Variants in FERMT1 observed in about 807,000 individuals in gnomAD.
FERMT1 encodes fermitin family homolog 1.
FERMT1 carries 60 observed loss-of-function variants against 85.3 expected under a neutral mutation model. The ratio of observed to expected loss-of-function variants is 0.70; its 90% CI spans 0.57 to 0.87. FERMT1 has a LOEUF of 0.87. Ranked by LOEUF, FERMT1 falls within the 40% of genes least tolerant of loss-of-function variation. FERMT1 has a pLI of 0.00. For missense variants in FERMT1, 701 were observed against 818.9 expected (o/e 0.86, Z 1.76); for synonymous variants, 275 against 301.1 (o/e 0.91, Z 0.90).
chr20:6,110,458 C>A lies in FERMT1; in HGVS notation c.586G>T (p.Gly196Ter), dbSNP rs1300608158. 1 of 1,613,944 alleles carries A rather than the reference C, an allele frequency of 6.2e-7. No homozygotes were observed. The highest frequency in any genetic ancestry group is 1.3e-5 in the African/African-American group (1 of 74,882). ...GTCATGGTGGATGATGCTGGTGTTCCATTGATGGGGTCATATATAGGGGTC... is the reference window on the plus strand; with the variant it reads ...GTCATGGTGGATGATGCTGGTGTTCAATTGATGGGGTCATATATAGGGGTC... Reference protein sequence around the residue: ...TMTPIYDPINGTPASSTMTWF... With the variant: ...TMTPIYDPIN The change falls in exon 5 of 15, where the codon GGA becomes TGA. Residue 196 changes from glycine (G) to a stop codon, truncating the protein, a stop_gained. Transcript: ENST00000217289. LOFTEE classifies it high-confidence loss of function.
At chr20:6,105,780 A>T (rs1982779781) in intron 6 of FERMT1, among the ~76,000 whole-genome samples, 1 of 152,210 alleles carries the variant, frequency 6.6e-6, no homozygotes, top group African/African-American at 2.4e-5. Flanking sequence ...CTCAATAAAT[A>T]AACACACAAA....
At chr20:6,099,914 G>T (rs1028519429) in intron 6 of FERMT1, among the ~76,000 whole-genome samples, 2 of 151,252 alleles carry the variant, frequency 1.3e-5, no homozygotes, top group African/African-American at 4.9e-5. Flanking sequence ...TGGGAGGATT[G>T]CTTGAGCCCA....
chr20:6,075,395 T>TA lies in FERMT1; in HGVS notation c.*1777dup, dbSNP rs397756084. The TA allele has an allele frequency of 1, 152,480 of 152,480 alleles. 76,240 individuals carry two copies. Among genetic ancestry groups the TA allele is most frequent in the Non-Finnish European group, 1 (68,044 of 68,044 alleles). 9.4% of individuals were successfully genotyped at this position (152,480 alleles called of 1,614,324 possible). A position where few individuals can be genotyped will look rare whatever the true frequency, so the allele number is the denominator to read the frequency against. On this transcript the variant is annotated 3_prime_UTR_variant, in exon 15 of 15. Transcript: ENST00000217289. ...ACTGAGAAATGACCAACATCAAGTA[T>TA]ATACGGTACACTTAGCACTTGTTTC...
chr20:6,109,310 C>A (rs1982880895), intron 5 of FERMT1, among the ~76,000 whole-genome samples: 2 of 152,040 alleles, frequency 1.3e-5, no homozygotes, highest in South Asian at 4.1e-4. Flanking sequence ...TGTGGTTGGG[C>A]CTTAAATGAC....
chr20:6,114,617 C>G (rs1383591709), intron 3 of FERMT1, among the ~76,000 whole-genome samples: 1 of 152,118 alleles, frequency 6.6e-6, no homozygotes, highest in African/African-American at 2.4e-5. Flanking sequence ...ATTTGCACAC[C>G]AGGGACAAGA....
chr20:6,093,731 C>T (rs943185900), intron 9 of FERMT1, among the ~76,000 whole-genome samples: 10 of 152,220 alleles, frequency 6.6e-5, no homozygotes, highest in Middle Eastern at 3.4e-3. Flanking sequence ...CCAAGGCAGG[C>T]GGATCACCTG....
rs1406105172 is a variant in FERMT1 at position 6,077,528 on chromosome 20, T to G, written c.1861-182A>C. Among the ~76,000 whole-genome samples, 9 of 152,104 alleles carry G rather than the reference T, an allele frequency of 5.9e-5. 1 individual carries two copies. The highest frequency in any genetic ancestry group is 1.3e-4 in the Non-Finnish European group (9 of 68,030). ...GCTTCCAGAAAACATCTTTGCTCTC[T>G]TTGCGCCCTCTGGTGGTGTCGACTT... is the stretch of plus-strand genomic sequence containing the variant. On this transcript the variant is annotated intron_variant, in intron 14 of 14. Transcript: ENST00000217289.
rs1466712153 is a variant in FERMT1, at chr20:6,088,954, G to T, written c.1264+11C>A. On this transcript the variant is annotated intron_variant, in intron 10 of 14. Transcript: ENST00000217289. ...TACGATGAGCCACAGCAAGATATAG[G>T]GTACTCTTACCTCTAAGATTTAGTT... is the stretch of plus-strand genomic sequence containing the variant. 3 of 1,608,568 alleles carry T rather than the reference G, an allele frequency of 1.9e-6. No individual in the cohort carries two copies. Among genetic ancestry groups the T allele is most frequent in the South Asian group, 1.1e-5 (1 of 90,888 alleles).
At chr20:6,102,895 G>A (rs1476162417) in intron 6 of FERMT1, among the ~76,000 whole-genome samples, 1 of 152,046 alleles carries the variant, frequency 6.6e-6, no homozygotes, top group African/African-American at 2.4e-5. Context: ...TCTTTCTTAA[G>A]AAGGGGTTAC....
At chr20:6,112,309 C>T (rs1356706445) in intron 4 of FERMT1, among the ~76,000 whole-genome samples, 168 bp downstream of exon 4, 1 of 152,022 alleles carries the variant, frequency 6.6e-6, no homozygotes, top group African/African-American at 2.4e-5. Context: ...GAAAAAAAGT[C>T]TGAAACACAT....
chr20:6,121,283 G>A (rs772328094), intron 1 of FERMT1, among the ~76,000 whole-genome samples: 5 of 151,902 alleles, frequency 3.3e-5, no homozygotes, highest in Admixed American at 6.6e-5. Context: ...CACCACGCCC[G>A]GTTAATTTTT....
At chr20:6,116,073 A>C in intron 2 of FERMT1, 29 bp from the exon 3 acceptor site, 1 of 1,526,098 alleles carries the variant, frequency 6.6e-7, no homozygotes, top group East Asian at 2.3e-5. Flanking sequence ...AATTAAGTAA[A>C]ATGAGAGAGG....
intron 4 of FERMT1, among the ~76,000 whole-genome samples, chr20:6,112,083 C>T (rs746079891): frequency 4.6e-5 from 7 of 151,658 alleles, no homozygotes; most frequent in Non-Finnish European, 1.0e-4. Flanking sequence ...ACCATATTGC[C>T]CAGGCTGGTC....
chr20:6,102,679 G>GAAAAAAAAAAAAAAA (rs769578429), intron 6 of FERMT1, among the ~76,000 whole-genome samples: 25 of 50,704 alleles, frequency 4.9e-4, no homozygotes, highest in African/African-American at 1.1e-3. Flanking sequence ...TGTGTCTCAA[G>GAAAAAAAAAAAAAAA]AAAAAAAAAA....
chr20:6,100,328 G>A (rs6038354), intron 6 of FERMT1, among the ~76,000 whole-genome samples: 2,790 of 152,204 alleles, frequency 0.018, 86 homozygotes, highest in African/African-American at 0.064. Flanking sequence ...ACTATGCTAA[G>A]TGAAAAAAAT....
At chr20:6,116,744 G>T (rs996383618) in intron 2 of FERMT1, among the ~76,000 whole-genome samples, 4 of 120,388 alleles carry the variant, frequency 3.3e-5, no homozygotes, top group African/African-American at 1.2e-4. Context: ...AAAAAAAAAT[G>T]GAAAATAGGG....
At position 6,084,158 on chromosome 20, in the gene FERMT1, C is replaced by A. The variant is rs2232078; in HGVS notation, c.1600G>T (p.Ala534Ser). 7 of 1,611,066 alleles carry A rather than the reference C, an allele frequency of 4.3e-6. No individual in the cohort carries two copies. Among genetic ancestry groups the A allele is most frequent in the African/African-American group, 1.3e-5 (1 of 74,866 alleles). ...AKRHKSKQLA[A>S]RILEAHQNVA... ...TTCTGGTGCGCCTCCAGGATCCGGG[C>A]GGCCAGCTGAACAGAAACAGACATC... is the stretch of plus-strand genomic sequence containing the variant. Residue 534 changes from alanine (A) to serine (S), a missense_variant, in exon 13 of 15, where the codon GCC becomes TCC. Physicochemically the swap from Ala to Ser is moderately conservative, Grantham distance 99 (BLOSUM62 1). Transcript: ENST00000217289.
intron 9 of FERMT1, among the ~76,000 whole-genome samples, chr20:6,091,514 G>A (rs916316355): frequency 3.9e-5 from 6 of 152,138 alleles, no homozygotes; most frequent in African/African-American, 7.2e-5. Flanking sequence ...TTACAGGCAT[G>A]AGCCTCCATG....
chr20:6,082,995 G>A (rs552516446), intron 13 of FERMT1, among the ~76,000 whole-genome samples: 26 of 151,562 alleles, frequency 1.7e-4, no homozygotes, highest in East Asian at 3.9e-4. Flanking sequence ...TAGAAGTAAT[G>A]GAGGAATGGA....
Sources: allele counts gnomAD v4.1 joint callset (sites outside exome capture counted in the v4.1 genomes callset), GRCh38; gene constraint gnomAD v4.1.1; transcripts MANE v1.5; gene names NCBI Gene and HGNC (gene_info 2026-07-23, HGNC 2026-07-21).